The following NEGR1 variants were observed in gnomAD, a reference collection of about 807,000 sequenced individuals.
NEGR1 encodes neuronal growth regulator 1, also known as IgLON family member 4.
Under a neutral mutation model 40.9 loss-of-function variants are expected in NEGR1, and 10 were observed. The ratio of observed to expected loss-of-function variants is 0.24; its 90% confidence interval spans 0.15 to 0.42. The LOEUF (loss-of-function observed/expected upper bound fraction) is 0.42, where lower values mean the gene tolerates loss of function less well. Ranked by LOEUF, NEGR1 falls within the 10% of genes least tolerant of loss-of-function variation. NEGR1 has a pLI of 1.00. For missense variants in NEGR1, 352 were observed against 438.9 expected (o/e 0.80, Z 1.77); for synonymous variants, 185 against 166.8 (o/e 1.11, Z -0.84).
At chr1:72,049,906 T>C (rs1163715251) in intron 1 of NEGR1, among the ~76,000 whole-genome samples, 3 of 151,594 alleles carry the variant, frequency 2.0e-5, no homozygotes, top group African/African-American at 7.3e-5. Context: ...TATCAGGCTC[T>C]GGGTAATGTG....
chr1:71,429,872 T>C (rs182553402), intron 6 of NEGR1, among the ~76,000 whole-genome samples: 32 of 151,844 alleles, frequency 2.1e-4, no homozygotes, highest in Middle Eastern at 3.4e-3. Context: ...GGATTACCCA[T>C]ACTTACTTAT....
At chr1:71,996,816 C>A (rs1646508571) in intron 1 of NEGR1, among the ~76,000 whole-genome samples, 1 of 152,058 alleles carries the variant, frequency 6.6e-6, no homozygotes, top group East Asian at 1.9e-4. Context: ...TACCTCTGAC[C>A]TTTACATTCT....
intron 1 of NEGR1, among the ~76,000 whole-genome samples, chr1:72,168,427 A>T (rs1446140884): frequency 1.3e-5 from 2 of 152,018 alleles, no homozygotes; most frequent in Non-Finnish European, 2.9e-5. Flanking sequence ...CCACACACAC[A>T]GGTATGTACA....
At chr1:71,711,939 T>C (rs894234734) in intron 3 of NEGR1, among the ~76,000 whole-genome samples, 11 of 152,218 alleles carry the variant, frequency 7.2e-5, no homozygotes, top group African/African-American at 2.7e-4. Flanking sequence ...ATATATTGTA[T>C]GATTTAATTT....
chr1:72,125,532 CA>C (rs1649980206), intron 1 of NEGR1, among the ~76,000 whole-genome samples: 1 of 151,826 alleles, frequency 6.6e-6, no homozygotes, highest in African/African-American at 2.4e-5. Context: ...ATTTGTAAAT[CA>C]CATTATTATG....
chr1:72,260,177 A>G (rs1223364240), intron 1 of NEGR1, among the ~76,000 whole-genome samples: 1 of 152,088 alleles, frequency 6.6e-6, no homozygotes, highest in East Asian at 1.9e-4. Flanking sequence ...CACATTAGAA[A>G]GTGAAAGAAT....
intron 1 of NEGR1, among the ~76,000 whole-genome samples, chr1:72,120,267 TG>T (rs757733943): frequency 2.2e-4 from 33 of 151,946 alleles, no homozygotes; most frequent in Admixed American, 2.0e-3. Flanking sequence ...TTGACTGCAT[TG>T]TAAAAAGGAG....
Position 71,936,097 on chromosome 1 carries a change from C to A in NEGR1, c.177-786G>T, listed in dbSNP as rs1379060112. On this transcript the variant is annotated intron_variant, in intron 1 of 6. Coordinates refer to ENST00000357731, the MANE Select transcript of NEGR1 (RefSeq NM_173808.3). ...TACAGGCTTGAGCCACCATGCCCGG[C>A]CTATAAGGGTTTACTTTTAAAATAG... is the stretch of plus-strand genomic sequence containing the variant. Among the ~76,000 whole-genome samples, 3 of 152,098 alleles carry A rather than the reference C, an allele frequency of 2.0e-5. No individual in the cohort carries two copies. The East Asian group carries it at 5.8e-4, about 29-fold the overall frequency.
chr1:72,238,153 T>G (rs1473864834), intron 1 of NEGR1, among the ~76,000 whole-genome samples: 3 of 151,976 alleles, frequency 2.0e-5, no homozygotes, highest in African/African-American at 7.2e-5. Context: ...ACCCATCCAG[T>G]AAGAACACTA....
chr1:71,659,950 T>C (rs1652002508), intron 4 of NEGR1, among the ~76,000 whole-genome samples: 1 of 152,130 alleles, frequency 6.6e-6, no homozygotes, highest in Non-Finnish European at 1.5e-5. Context: ...ACAACTACCA[T>C]TCGACCCAGT....
At chr1:71,427,300 T>G (rs1403742551) in intron 6 of NEGR1, among the ~76,000 whole-genome samples, 1 of 152,178 alleles carries the variant, frequency 6.6e-6, no homozygotes, top group Non-Finnish European at 1.5e-5. Context: ...TTAAAGTCAA[T>G]AGCCGTGCCA....
At chr1:71,899,414 T>C (rs925774166) in intron 2 of NEGR1, among the ~76,000 whole-genome samples, 5 of 151,734 alleles carry the variant, frequency 3.3e-5, no homozygotes, top group African/African-American at 9.7e-5. Flanking sequence ...ATTAAGAAGG[T>C]TGGGGGAAAA....
chr1:72,046,118 A>C (rs570698587), intron 1 of NEGR1, among the ~76,000 whole-genome samples: 16 of 151,904 alleles, frequency 1.1e-4, no homozygotes, highest in African/African-American at 3.6e-4. Context: ...CTGTTTGTAA[A>C]ACAAGTCATT....
chr1:71,515,635 G>C (rs1647115987), intron 6 of NEGR1, among the ~76,000 whole-genome samples: 1 of 93,066 alleles, frequency 1.1e-5, no homozygotes, highest in Non-Finnish European at 2.0e-5. Flanking sequence ...AAAATGTAAA[G>C]ACCATCCAGA....
At chr1:71,661,078 A>G (rs1408778896) in intron 4 of NEGR1, among the ~76,000 whole-genome samples, 1 of 152,112 alleles carries the variant, frequency 6.6e-6, no homozygotes, top group African/African-American at 2.4e-5. Flanking sequence ...TATGTGCCAC[A>G]TTTTCTTTAT....
At chr1:72,047,651 T>G (rs1647014676) in intron 1 of NEGR1, among the ~76,000 whole-genome samples, 1 of 151,496 alleles carries the variant, frequency 6.6e-6, no homozygotes, top group African/African-American at 2.4e-5. Flanking sequence ...AGTATGTATT[T>G]TCAATTCACA....
At chr1:71,731,484 T>A (rs1210019334) in intron 3 of NEGR1, among the ~76,000 whole-genome samples, 1 of 152,210 alleles carries the variant, frequency 6.6e-6, no homozygotes, top group Non-Finnish European at 1.5e-5. Context: ...ATGTAAGGGA[T>A]ATGTTCAAAA....
intron 1 of NEGR1, among the ~76,000 whole-genome samples, chr1:72,067,540 T>A (rs556766545): frequency 1.3e-5 from 2 of 152,136 alleles, no homozygotes; most frequent in Non-Finnish European, 2.9e-5. Flanking sequence ...TAAGGTACCA[T>A]AATTTACAGA....
At chr1:71,430,323 C>A (rs189022034) in intron 6 of NEGR1, among the ~76,000 whole-genome samples, 1 of 152,146 alleles carries the variant, frequency 6.6e-6, no homozygotes, top group Non-Finnish European at 1.5e-5. Context: ...TTGACCTGGC[C>A]TCTGCTGGGT....
Sources: gnomAD v4.1 joint callset for allele counts (sites outside exome capture counted in the v4.1 genomes callset) on GRCh38, gnomAD v4.1.1 for gene constraint, MANE v1.5 for transcripts, NCBI Gene and HGNC (gene_info 2026-07-23, HGNC 2026-07-21) for gene names.